GPHN: variants seen among roughly 807,000 people sequenced by gnomAD.
The protein encoded by GPHN is gephyrin.
In GPHN, 17 loss-of-function variants were observed where a neutral mutation model predicts 95.5. The observed-to-expected ratio is 0.18, with a 90% confidence interval of 0.12 to 0.27. GPHN has a LOEUF of 0.27. Ranked by LOEUF, GPHN falls within the 10% of genes least tolerant of loss-of-function variation. GPHN has a pLI of 1.00. For synonymous variants in GPHN, 320 were observed against 322.5 expected (o/e 0.99, Z 0.08); for missense variants, 660 against 978.1 (o/e 0.67, Z 4.34).
chr14:67,259,218 C>T, the GPHN span, among the ~76,000 whole-genome samples: 8 of 151,874 alleles, frequency 5.3e-5, no homozygotes, highest in East Asian at 1.9e-4. Context: ...TACACATGCC[C>T]GATTTCTATA....
chr14:67,469,717 G>A, the GPHN span, among the ~76,000 whole-genome samples: 1 of 152,136 alleles, frequency 6.6e-6, no homozygotes, highest in African/African-American at 2.4e-5. Flanking sequence ...TAAAGGGGGA[G>A]AGATTACTCC....
At chr14:67,317,932 A>G in the GPHN span, among the ~76,000 whole-genome samples, 1 of 152,236 alleles carries the variant, frequency 6.6e-6, no homozygotes, top group Admixed American at 6.5e-5. Flanking sequence ...TCTTAAAATC[A>G]AAAGCTCTGA....
chr14:66,677,589 C>T (rs2153391430), intron 1 of GPHN, among the ~76,000 whole-genome samples: 1 of 151,752 alleles, frequency 6.6e-6, no homozygotes, highest in Middle Eastern at 3.4e-3. Flanking sequence ...GTAGAATTTC[C>T]AAAGTTCCTC....
chr14:67,166,678 G>A (rs1201376323), intron 20 of GPHN, among the ~76,000 whole-genome samples: 1 of 151,922 alleles, frequency 6.6e-6, no homozygotes, highest in Non-Finnish European at 1.5e-5. Context: ...TTGTTTGTTT[G>A]TTTGTTTTTG....
At chr14:67,071,608 T>G (rs1454688282) in intron 11 of GPHN, among the ~76,000 whole-genome samples, 1 of 152,010 alleles carries the variant, frequency 6.6e-6, no homozygotes, top group Non-Finnish European at 1.5e-5. Context: ...GTGGTGCACA[T>G]GTACCCTGGA....
intron 8 of GPHN, among the ~76,000 whole-genome samples, chr14:66,957,593 T>A (rs2068612083): frequency 6.6e-6 from 1 of 152,172 alleles, no homozygotes; most frequent in African/African-American, 2.4e-5. Flanking sequence ...GTGAGACCTA[T>A]TTTGTGGCCT....
chr14:67,317,319 A>G, the GPHN span: 1 of 1,179,992 alleles, frequency 8.5e-7, no homozygotes. Context: ...TAAAGAATAA[A>G]TGAATGAATA....
intron 10 of GPHN, among the ~76,000 whole-genome samples, chr14:67,049,875 G>A (rs964358616): frequency 2.4e-4 from 37 of 152,150 alleles, no homozygotes; most frequent in Non-Finnish European, 3.7e-4. Context: ...TCTTGAGTGG[G>A]AAGAAGCCTC....
At chr14:67,175,572 G>C (rs2082890629) in intron 21 of GPHN, among the ~76,000 whole-genome samples, 1 of 152,056 alleles carries the variant, frequency 6.6e-6, no homozygotes, top group Non-Finnish European at 1.5e-5. Flanking sequence ...CTCTTTTTTG[G>C]TTCCATATGA....
intron 3 of GPHN, among the ~76,000 whole-genome samples, chr14:66,792,350 T>C (rs1050203500): frequency 6.6e-6 from 1 of 151,748 alleles, no homozygotes. Context: ...AAAAAATAAA[T>C]AAAATAATAC....
intron 9 of GPHN, among the ~76,000 whole-genome samples, chr14:67,017,682 G>T (rs2073388149): frequency 1.3e-5 from 2 of 151,904 alleles, no homozygotes; most frequent in Admixed American, 1.3e-4. Context: ...GAAACTCTTG[G>T]TATAGAAAAC....
chr14:66,655,855 A>G (rs1474188276), intron 1 of GPHN, among the ~76,000 whole-genome samples: 1 of 152,090 alleles, frequency 6.6e-6, no homozygotes, highest in Non-Finnish European at 1.5e-5. Context: ...TTCTATAATC[A>G]TGTGATTGTG....
intron 16 of GPHN, among the ~76,000 whole-genome samples, chr14:67,115,240 A>AT (rs1319621060): frequency 2.0e-5 from 3 of 151,042 alleles, no homozygotes; most frequent in Middle Eastern, 3.2e-3. Context: ...GAAATTGGTG[A>AT]TAAAAAAAAA....
chr14:66,754,620 TCTA>T (rs908919339), intron 2 of GPHN, among the ~76,000 whole-genome samples: 9 of 152,002 alleles, frequency 5.9e-5, no homozygotes, highest in African/African-American at 2.2e-4. Context: ...CTACTTATTT[TCTA>T]CTATTCTGTA....
chr14:67,195,185 T>G, the GPHN span, among the ~76,000 whole-genome samples: 1 of 152,226 alleles, frequency 6.6e-6, no homozygotes, highest in Admixed American at 6.5e-5. Context: ...CACAGCAAAG[T>G]TGATAAAAGA....
At chr14:67,378,307 C>T in the GPHN span, among the ~76,000 whole-genome samples, 1 of 142,806 alleles carries the variant, frequency 7.0e-6, no homozygotes, top group African/African-American at 2.6e-5. Flanking sequence ...AGTTTATTCT[C>T]ATGTGACTTT....
the GPHN span, chr14:67,279,296 T>G: frequency 3.1e-6 from 5 of 1,612,158 alleles, no homozygotes; most frequent in South Asian, 5.5e-5. Context: ...GCCCTGGAGA[T>G]TTGGGCACCA....
intron 5 of GPHN, among the ~76,000 whole-genome samples, chr14:66,906,684 A>G (rs1295843751): frequency 1.3e-5 from 2 of 152,074 alleles, no homozygotes; most frequent in African/African-American, 2.4e-5. Flanking sequence ...GTACATTGCC[A>G]TTTTGAAACC....
chr14:66,761,617 A>T (rs2058757158), intron 2 of GPHN, among the ~76,000 whole-genome samples: 1 of 151,314 alleles, frequency 6.6e-6, no homozygotes, highest in Admixed American at 6.6e-5. Context: ...GCCTGGAGTG[A>T]CACTACACTC....
Sources: allele counts gnomAD v4.1 joint callset (sites outside exome capture counted in the v4.1 genomes callset), GRCh38; gene constraint gnomAD v4.1.1; transcripts MANE v1.5; gene names NCBI Gene and HGNC (gene_info 2026-07-23, HGNC 2026-07-21).